The following ZNF827 variants were observed in gnomAD, a reference collection of about 807,000 sequenced individuals.
The protein encoded by ZNF827 is zinc finger protein 827.
A neutral mutation model predicts 102.4 loss-of-function variants in ZNF827; 13 were observed. The observed-to-expected ratio is 0.13, with a 90% CI of 0.08 to 0.20. The LOEUF (loss-of-function observed/expected upper bound fraction) is 0.20, where lower values mean the gene tolerates loss of function less well. ZNF827 is among the 10% of genes least tolerant of loss of function. The probability of loss-of-function intolerance (pLI) is 1.00; values close to 1 mark genes in which losing one functional copy is unlikely to be tolerated. For synonymous variants in ZNF827, 523 were observed against 536.2 expected (o/e 0.98, Z 0.34); for missense variants, 1,103 against 1,344.4 (o/e 0.82, Z 2.81).
At chr4:145,766,265 A>AGTCAG (rs1307287719) in intron 11 of ZNF827, among the ~76,000 whole-genome samples, 1 of 152,200 alleles carries the variant, frequency 6.6e-6, no homozygotes, top group Non-Finnish European at 1.5e-5. Flanking sequence ...GATACAAACA[A>AGTCAG]GTCAGCAGAC....
rs1751504678 is a variant in ZNF827, at chr4:145,902,477, C to T, written c.782G>A (p.Ser261Asn). The change falls in exon 2 of 15, where the codon AGT (serine) becomes AAT (asparagine). Residue 261 changes from serine to asparagine, a missense_variant. Ser to Asn is a conservative substitution (Grantham distance 46). Transcript: ENST00000508784. The surrounding 1 kb of genome is among the most constrained non-coding windows in gnomAD (Gnocchi z 4.3). ...STLAALSKKV[S>N]ERSLTPGQEH... ...CTGACCAGGAGTCAAACTTCTTTCA[C>T]TGACCTTCTTGGACAAAGCGGCCAA... 1 of 1,614,194 alleles carries T rather than the reference C, an allele frequency of 6.2e-7. No homozygotes were observed.
intron 7 of ZNF827, among the ~76,000 whole-genome samples, chr4:145,829,159 T>A (rs1197854205): frequency 6.6e-6 from 1 of 151,838 alleles, no homozygotes; most frequent in African/African-American, 2.4e-5. Context: ...AGAAACAGAT[T>A]TTTTTTCTAA....
rs534072950 is a variant in ZNF827 at position 145,807,630 on chromosome 4, C to T, written c.2383+15792G>A. Among the ~76,000 whole-genome samples, 14 of 151,976 alleles carry T rather than the reference C, an allele frequency of 9.2e-5. No individual in the cohort carries two copies. In the South Asian group the frequency reaches 2.9e-3, roughly 32 times the overall value. Reference sequence around the variant, plus strand: ...GGGATTACAGGCGCCCACCACCACGCCCAGCTAATTTTTGTATTTTTAGTA... The same window carrying T: ...GGGATTACAGGCGCCCACCACCACGTCCAGCTAATTTTTGTATTTTTAGTA... On this transcript the variant is annotated intron_variant, in intron 8 of 14. Transcript: ENST00000508784.
chr4:145,889,869 C>G (rs964326893), intron 3 of ZNF827, among the ~76,000 whole-genome samples: 1 of 151,314 alleles, frequency 6.6e-6, no homozygotes, highest in African/African-American at 2.4e-5. Flanking sequence ...CCCAGCTACT[C>G]GGGAGACTGA....
At chr4:145,874,572 A>G (rs1224409026) in intron 4 of ZNF827, among the ~76,000 whole-genome samples, 3 of 152,188 alleles carry the variant, frequency 2.0e-5, no homozygotes, top group African/African-American at 7.2e-5. Context: ...TTACAAAAAA[A>G]CCCACATGTG....
Position 145,870,375 on chromosome 4 carries a change from G to A in ZNF827, c.1851C>T (p.Phe617=). 1.2e-6 allele frequency: 2 copies of A among 1,614,132 alleles called. No individual in the cohort carries two copies. The highest frequency in any genetic ancestry group is 2.7e-5 in the African/African-American group (2 of 75,012). ...GGGCTGACACTTCAGATTCCGGGCT[G>A]AACACATAGCTGGACCGAGGCAAAG... is the stretch of plus-strand genomic sequence containing the variant. ...STTLPRSSYV[F]SPESEVSAPG... is the part of the protein sequence containing the mutation. The change falls in exon 5 of 15, where the codon TTC becomes TTT. Residue 617 remains phenylalanine (F), a synonymous_variant. Transcript: ENST00000508784.
chr4:145,838,079 A>G (rs1036727320), intron 7 of ZNF827, among the ~76,000 whole-genome samples: 15 of 152,190 alleles, frequency 9.9e-5, no homozygotes, highest in African/African-American at 3.1e-4. Flanking sequence ...GCCCAAGCCA[A>G]ACCATCACAT....
At chr4:145,819,575 A>G (rs77945518) in intron 8 of ZNF827, among the ~76,000 whole-genome samples, 6,415 of 152,254 alleles carry the variant, frequency 0.042, 269 homozygotes, top group East Asian at 0.14. Flanking sequence ...AACAACTATA[A>G]ATTAAATAAA....
chr4:145,856,416 T>C (rs1747111444), intron 5 of ZNF827, among the ~76,000 whole-genome samples: 2 of 152,192 alleles, frequency 1.3e-5, no homozygotes, highest in African/African-American at 4.8e-5. Flanking sequence ...AAGCTCCCCA[T>C]TCCTGCTCTG....
chr4:145,795,240 C>T (rs758300693), intron 8 of ZNF827, among the ~76,000 whole-genome samples: 9 of 152,186 alleles, frequency 5.9e-5, no homozygotes, highest in Non-Finnish European at 8.8e-5. Context: ...CTCTGCCCAC[C>T]GGGTTCAAGT....
intron 8 of ZNF827, among the ~76,000 whole-genome samples, chr4:145,818,918 C>T (rs1216514882): frequency 6.6e-6 from 1 of 152,090 alleles, no homozygotes; most frequent in Non-Finnish European, 1.5e-5. Flanking sequence ...GGATCAAGAA[C>T]AAGACTGAGG....
intron 7 of ZNF827, among the ~76,000 whole-genome samples, chr4:145,823,790 G>A (rs535936186): frequency 1.8e-4 from 27 of 152,338 alleles, no homozygotes; most frequent in East Asian, 5.8e-4. Flanking sequence ...TGTTAAACCC[G>A]TAGAGGAGGA....
chr4:145,934,483 G>A (rs576444618), intron 1 of ZNF827, among the ~76,000 whole-genome samples: 1 of 152,236 alleles, frequency 6.6e-6, no homozygotes, highest in Non-Finnish European at 1.5e-5. Flanking sequence ...ATTCGGTTCT[G>A]AACAGTCCCA....
intron 5 of ZNF827, among the ~76,000 whole-genome samples, chr4:145,868,631 A>G (rs754517689): frequency 6.6e-6 from 1 of 152,240 alleles, no homozygotes; most frequent in Non-Finnish European, 1.5e-5. Flanking sequence ...TGTGTCTCAA[A>G]TCTCATCATG....
At chr4:145,866,142 G>C (rs1748171845) in intron 5 of ZNF827, among the ~76,000 whole-genome samples, 1 of 152,130 alleles carries the variant, frequency 6.6e-6, no homozygotes. Context: ...CTGCATCTCT[G>C]CCCTTGGGAT....
intron 5 of ZNF827, among the ~76,000 whole-genome samples, chr4:145,856,718 CA>C (rs1561005090): frequency 1.4e-4 from 19 of 131,062 alleles, no homozygotes; most frequent in African/African-American, 2.8e-4. Context: ...CACACACACA[CA>C]CACACCCCAT....
intron 5 of ZNF827, among the ~76,000 whole-genome samples, chr4:145,851,811 AAAAG>A (rs552498917): frequency 5.5e-4 from 84 of 152,292 alleles, no homozygotes; most frequent in African/African-American, 1.9e-3. Flanking sequence ...TTTAAATAAA[AAAAG>A]AGAAGAAGAA....
intron 1 of ZNF827, among the ~76,000 whole-genome samples, chr4:145,910,388 T>G (rs1313576958): frequency 6.6e-6 from 1 of 152,162 alleles, no homozygotes; most frequent in Non-Finnish European, 1.5e-5. Context: ...TCAGCAGGAA[T>G]GGCAACTCCT....
At chr4:145,872,281 G>A (rs1297296651) in intron 4 of ZNF827, among the ~76,000 whole-genome samples, 1 of 152,148 alleles carries the variant, frequency 6.6e-6, no homozygotes, top group Non-Finnish European at 1.5e-5. Context: ...GAGCCCTAAT[G>A]CATTGTGACT....
Sources: gnomAD v4.1 joint callset for allele counts (sites outside exome capture counted in the v4.1 genomes callset) on GRCh38, gnomAD v4.1.1 for gene constraint, Gnocchi (gnomAD v3.1) non-coding constraint, MANE v1.5 for transcripts, NCBI Gene and HGNC (gene_info 2026-07-23, HGNC 2026-07-21) for gene names.